Variants in RPS6KA2 observed in about 807,000 individuals in gnomAD.
The protein encoded by RPS6KA2 is ribosomal protein S6 kinase alpha-2.
RPS6KA2 carries 42 observed loss-of-function variants against 91.8 expected under a neutral mutation model. The observed-to-expected ratio is 0.46, with a 90% CI of 0.36 to 0.59. RPS6KA2 has a LOEUF of 0.59. Among genes scored for constraint, RPS6KA2 ranks in the 20% least tolerant of loss-of-function variants. The probability of loss-of-function intolerance (pLI) is 0.00; values close to 1 mark genes in which losing one functional copy is unlikely to be tolerated. For missense variants in RPS6KA2, 798 were observed against 978.5 expected (o/e 0.82, Z 2.46); for synonymous variants, 414 against 393.6 (o/e 1.05, Z -0.61).
intron 1 of RPS6KA2, among the ~76,000 whole-genome samples, chr6:166,590,448 G>A (rs1242086229): frequency 6.6e-6 from 1 of 152,176 alleles, no homozygotes; most frequent in Non-Finnish European, 1.5e-5. Context: ...ACCTAAAGAT[G>A]GAGCCTGGCG....
At chr6:166,641,719 CA>C (rs71032871) in intron 2 of RPS6KA2, among the ~76,000 whole-genome samples, 5 of 28,546 alleles carry the variant, frequency 1.8e-4, no homozygotes, top group African/African-American at 1.7e-4. Context: ...GACTCTGTCA[CA>C]AAAAAAAAAA....
intron 3 of RPS6KA2, among the ~76,000 whole-genome samples, chr6:166,512,613 GT>G (rs1286306601): frequency 6.6e-6 from 1 of 152,152 alleles, no homozygotes; most frequent in Non-Finnish European, 1.5e-5. Context: ...TTGCTTTCCC[GT>G]TTGGTCTGTA....
intron 2 of RPS6KA2, among the ~76,000 whole-genome samples, chr6:166,681,240 A>G (rs1788798561): frequency 6.6e-6 from 1 of 152,220 alleles, no homozygotes; most frequent in South Asian, 2.1e-4. Context: ...TTCTGAGCTT[A>G]AGAAATAGAT....
In RPS6KA2 at chr6:166,821,772, A is replaced by C. The variant is rs1779910060; in HGVS notation, c.123+36428T>G. ...GTAGTAAGGCCCTGACCCTTCTGTG[A>C]CCTCCCTCCTAAGGCCGCCTACTTG... is the stretch of plus-strand genomic sequence containing the variant. On this transcript the variant is annotated intron_variant, in intron 2 of 21. Transcript: ENST00000503859. The surrounding 1 kb of genome is among the most constrained non-coding windows in gnomAD (Gnocchi z 4.1). 6.6e-6 allele frequency among the ~76,000 whole-genome samples: 1 copy of C among 151,248 alleles called. No individual in the cohort carries two copies. The highest frequency in any genetic ancestry group is 1.5e-5 in the Non-Finnish European group (1 of 67,830).
chr6:166,550,977 A>G (rs1236652285), intron 1 of RPS6KA2, among the ~76,000 whole-genome samples: 1 of 123,448 alleles, frequency 8.1e-6, no homozygotes, highest in Non-Finnish European at 1.8e-5. Flanking sequence ...GCCTGGCAAC[A>G]GAGCCGGACT....
intron 12 of RPS6KA2, among the ~76,000 whole-genome samples, chr6:166,455,124 C>T (rs930974886): frequency 1.3e-5 from 2 of 152,140 alleles, no homozygotes; most frequent in African/African-American, 4.8e-5. Flanking sequence ...TCTTCCCCCC[C>T]TCGTCTGTTT....
Position 166,775,581 on chromosome 6 carries a change from C to T in RPS6KA2, c.123+82619G>A, listed in dbSNP as rs2072642. Among the ~76,000 whole-genome samples, 4,774 of 152,316 alleles carry T rather than the reference C, an allele frequency of 0.031. 436 individuals carry two copies. In the East Asian group the frequency reaches 0.36, roughly 11 times the overall value. On this transcript the variant is annotated intron_variant, in intron 2 of 21. Transcript: ENST00000503859. ...AATTTGGTTTCCATGACCCCCGACT[C>T]TCCCTCCGCTGGTGCTCAGCTCTCC...
intron 16 of RPS6KA2, among the ~76,000 whole-genome samples, chr6:166,427,981 C>T (rs1014190505): frequency 1.6e-5 from 2 of 126,234 alleles, no homozygotes; most frequent in Non-Finnish European, 3.0e-5. Flanking sequence ...AAAAAAGAGC[C>T]GCCCGCATCG....
intron 2 of RPS6KA2, among the ~76,000 whole-genome samples, chr6:166,743,103 A>G (rs1368953016): frequency 1.3e-5 from 2 of 152,204 alleles, no homozygotes; most frequent in Non-Finnish European, 2.9e-5. Context: ...TATGTACTTG[A>G]TTTCTGCATA....
At position 166,412,656 on chromosome 6, in the gene RPS6KA2, C is replaced by T. The variant is rs986650060; in HGVS notation, c.*106G>A. 3 of 1,193,294 alleles carry T rather than the reference C, an allele frequency of 2.5e-6. No individual in the cohort carries two copies. The highest frequency in any genetic ancestry group is 3.1e-5 in the African/African-American group (2 of 65,284). 73.9% of individuals were successfully genotyped at this position (1,193,294 alleles called of 1,614,324 possible). On this transcript the variant is annotated 3_prime_UTR_variant, in exon 21 of 21. Transcript: ENST00000265678. This position sits in a 1 kb window ranked among gnomAD's most constrained non-coding sequence, Gnocchi z 4.3. Reference sequence around the variant, plus strand: ...GACACGGCGAGGGCGGGCGCCGCCTCCCTGCTGGACTTGTGGTCACTCTGG... The same window carrying T: ...GACACGGCGAGGGCGGGCGCCGCCTTCCTGCTGGACTTGTGGTCACTCTGG...
At chr6:166,578,428 A>G (rs1784905780) in intron 1 of RPS6KA2, among the ~76,000 whole-genome samples, 1 of 152,170 alleles carries the variant, frequency 6.6e-6, no homozygotes, top group Non-Finnish European at 1.5e-5. Context: ...ATTATGTAGG[A>G]GCTGGGTGAC....
Position 166,757,436 on chromosome 6 carries a change from G to A in RPS6KA2, c.123+100764C>T, listed in dbSNP as rs530997836. The A allele has an allele frequency of 2.7e-5, 12 of 444,842 alleles. 1 individual carries two copies. Among genetic ancestry groups the A allele is most frequent in the African/African-American group, 1.8e-4 (9 of 49,808 alleles). 27.6% of individuals were successfully genotyped at this position (444,842 alleles called of 1,614,324 possible). A position where few individuals can be genotyped will look rare whatever the true frequency, so the allele number is the denominator to read the frequency against. ...CCCAGAAAACAGCTTGCCCCTGGCC[G>A]CCCAAGCTCTGTCACACCCGTGATT... On this transcript the variant is annotated intron_variant, in intron 2 of 21. Coordinates refer to the RPS6KA2 transcript ENST00000503859.
At chr6:166,567,645 C>T (rs1784542882) in intron 1 of RPS6KA2, among the ~76,000 whole-genome samples, 1 of 152,156 alleles carries the variant, frequency 6.6e-6, no homozygotes, top group Non-Finnish European at 1.5e-5. Flanking sequence ...GCTTATAGCC[C>T]AATGTGCATT....
chr6:166,685,714 C>G (rs748895639), intron 2 of RPS6KA2, among the ~76,000 whole-genome samples: 4 of 152,202 alleles, frequency 2.6e-5, no homozygotes, highest in Non-Finnish European at 1.5e-5. Context: ...CATCACGTTT[C>G]TTATGGCAAA....
chr6:166,787,017 G>A (rs1413703997), intron 2 of RPS6KA2, among the ~76,000 whole-genome samples: 2 of 152,138 alleles, frequency 1.3e-5, no homozygotes, highest in Non-Finnish European at 1.5e-5. Context: ...ATGTCGGTGT[G>A]CCAATATGTG....
intron 10 of RPS6KA2, among the ~76,000 whole-genome samples, chr6:166,487,091 T>C (rs1351202457): frequency 6.6e-6 from 1 of 152,218 alleles, no homozygotes; most frequent in Non-Finnish European, 1.5e-5. Flanking sequence ...AAACACCGTT[T>C]ATTTGTACCC....
chr6:166,490,794 T>G lies in RPS6KA2; in HGVS notation c.748-53A>C. The G allele has an allele frequency of 1.4e-6, 2 of 1,415,338 alleles. No homozygotes were observed. The highest frequency in any genetic ancestry group is 9.9e-7 in the Non-Finnish European group (1 of 1,009,742). 87.7% of individuals were successfully genotyped at this position (1,415,338 alleles called of 1,614,324 possible). A position where few individuals can be genotyped will look rare whatever the true frequency, so the allele number is the denominator to read the frequency against. ...TTCATTCATCCAGATGGACCCGGCT[T>G]CACGGCAGAGTACCCCAGCAGGGCA... On this transcript the variant is annotated intron_variant, in intron 8 of 20. Transcript: ENST00000265678. The surrounding 1 kb of genome is among the most constrained non-coding windows in gnomAD (Gnocchi z 4.2).
chr6:166,790,237 G>A (rs1562441455), intron 2 of RPS6KA2, among the ~76,000 whole-genome samples: 1 of 152,208 alleles, frequency 6.6e-6, no homozygotes, highest in Non-Finnish European at 1.5e-5. Context: ...AGGAGCCGAT[G>A]CGATCAACTG....
intron 2 of RPS6KA2, among the ~76,000 whole-genome samples, chr6:166,536,581 C>T (rs1049670746): frequency 4.1e-4 from 63 of 152,186 alleles, no homozygotes; most frequent in African/African-American, 1.5e-3. Flanking sequence ...AGAATAGTAT[C>T]TCTTCTTTCC....
Sources: gnomAD v4.1 joint callset for allele counts (sites outside exome capture counted in the v4.1 genomes callset) on GRCh38, gnomAD v4.1.1 for gene constraint, Gnocchi (gnomAD v3.1) non-coding constraint, MANE v1.5 for transcripts, NCBI Gene and HGNC (gene_info 2026-07-23, HGNC 2026-07-21) for gene names.